INO80: variants seen among roughly 807,000 people sequenced by gnomAD.
INO80 encodes the protein chromatin-remodeling ATPase INO80.
Under a neutral mutation model 203.4 loss-of-function variants are expected in INO80, and 20 were observed. The ratio of observed to expected loss-of-function variants is 0.10; its 90% CI spans 0.07 to 0.14. INO80 has a LOEUF of 0.14. INO80 is among the 10% of genes least tolerant of loss of function. The probability of loss-of-function intolerance (pLI) is 1.00; values close to 1 mark genes in which losing one functional copy is unlikely to be tolerated. For missense variants in INO80, 1,419 were observed against 1,914.4 expected (o/e 0.74, Z 4.83); for synonymous variants, 726 against 685.2 (o/e 1.06, Z -0.93).
intron 24 of INO80, 63 bp downstream of exon 24, chr15:41,044,841 A>C: frequency 6.8e-7 from 1 of 1,467,042 alleles, no homozygotes; most frequent in Non-Finnish European, 9.1e-7. Context: ...TATTATTTTT[A>C]CTTATTCAAG....
At chr15:41,111,709 A>C (rs955629122) in intron 1 of INO80, among the ~76,000 whole-genome samples, 3 of 151,884 alleles carry the variant, frequency 2.0e-5, no homozygotes, top group Admixed American at 6.6e-5. Flanking sequence ...AGGCTGAGGC[A>C]GGAGAATCAC....
Position 41,016,299 on chromosome 15 carries a change from A to G in INO80, c.3275-84T>C. 4.5e-6 allele frequency: 6 copies of G among 1,327,586 alleles called. No homozygotes were observed. The South Asian group carries it at 5.4e-5, about 12-fold the overall frequency. 82.2% of individuals were successfully genotyped at this position (1,327,586 alleles called of 1,614,324 possible). A position where few individuals can be genotyped will look rare whatever the true frequency, so the allele number is the denominator to read the frequency against. On this transcript the variant is annotated intron_variant, in intron 26 of 35. Coordinates refer to ENST00000648947, the MANE Select transcript of INO80 (RefSeq NM_017553.3). ...TCAATGCAAAGCTGTATGCAACCAC[A>G]ATCACTAAAACCAAGATGCTTGTCA...
At chr15:41,044,484 G>C (rs1461505932) in intron 24 of INO80, among the ~76,000 whole-genome samples, 1 of 152,092 alleles carries the variant, frequency 6.6e-6, no homozygotes, top group Non-Finnish European at 1.5e-5. Flanking sequence ...TTCACAAACA[G>C]GCAAAAATAA....
chr15:41,074,620 T>C lies in INO80; in HGVS notation c.1132-55A>G, dbSNP rs117256306. 86 of 1,233,338 alleles carry C rather than the reference T, an allele frequency of 7.0e-5. 1 individual carries two copies. In the East Asian group the frequency reaches 8.8e-4, roughly 13 times the overall value. The allele number at this position is 1,233,338 out of a possible 1,614,324, so 76.4% of individuals were successfully genotyped here. A position where few individuals can be genotyped will look rare whatever the true frequency, so the allele number is the denominator to read the frequency against. Reference sequence around the variant, plus strand: ...CAAATTATCAATGATATCCAAGAAGTAGTCCAGAATTCACCACTTATATTT... The same window carrying C: ...CAAATTATCAATGATATCCAAGAAGCAGTCCAGAATTCACCACTTATATTT... On this transcript the variant is annotated intron_variant, in intron 9 of 35. Coordinates refer to ENST00000648947, the MANE Select transcript of INO80 (RefSeq NM_017553.3).
chr15:40,987,243 G>T, intron 30 of INO80, 50 bp from the exon 31 acceptor site: 1 of 1,098,272 alleles, frequency 9.1e-7, no homozygotes, highest in Non-Finnish European at 1.4e-6. Flanking sequence ...ATTCCCTTAT[G>T]GCAAATATCC....
chr15:41,037,593 G>T (rs2927066), intron 24 of INO80, among the ~76,000 whole-genome samples: 150,837 of 152,338 alleles, frequency 0.99, 74,697 homozygotes, highest in Middle Eastern at 1. Context: ...CAGAGAAATA[G>T]CTTTCTGTTA....
intron 5 of INO80, among the ~76,000 whole-genome samples, chr15:41,088,091 T>C (rs1028493201): frequency 1.4e-5 from 2 of 143,886 alleles, no homozygotes; most frequent in African/African-American, 2.6e-5. Context: ...GCTTTTCTTT[T>C]TTTTTTTTTT....
chr15:41,006,643 A>G (rs1566907875), intron 27 of INO80, among the ~76,000 whole-genome samples: 1 of 152,190 alleles, frequency 6.6e-6, no homozygotes, highest in Non-Finnish European at 1.5e-5. Flanking sequence ...AGTTTGGAAT[A>G]TCTGGTGCAG....
At chr15:41,112,268 T>C (rs2045968922) in intron 1 of INO80, among the ~76,000 whole-genome samples, 2 of 152,184 alleles carry the variant, frequency 1.3e-5, no homozygotes. Flanking sequence ...ATAGTGGTTC[T>C]GTCATTTACT....
At chr15:41,052,380 C>G (rs143139970) in intron 19 of INO80, among the ~76,000 whole-genome samples, 6 of 151,930 alleles carry the variant, frequency 3.9e-5, no homozygotes, top group Non-Finnish European at 8.8e-5. Context: ...TATACAATCC[C>G]TGATTTTTTA....
chr15:41,091,017 C>A (rs1251019350), intron 5 of INO80, among the ~76,000 whole-genome samples: 1 of 151,486 alleles, frequency 6.6e-6, no homozygotes, highest in Non-Finnish European at 1.5e-5. Context: ...CTCCACCTCC[C>A]GGGTTCAAGC....
At chr15:41,039,682 G>A (rs562383570) in intron 24 of INO80, among the ~76,000 whole-genome samples, 2 of 152,146 alleles carry the variant, frequency 1.3e-5, no homozygotes, top group African/African-American at 2.4e-5. Flanking sequence ...TCATTCAATC[G>A]ATAAGCACTT....
rs573138547 is a variant in INO80, at chr15:41,105,805, C to A, written c.-43-9452G>T. On this transcript the variant is annotated intron_variant, in intron 1 of 35. Transcript: ENST00000648947. ...TGGTTCCTTTGCTCCTTCGACATAA[C>A]CCATTAACGTGAAATGTTGTTGTTT... Among the ~76,000 whole-genome samples the A allele has an allele frequency of 3.9e-5, 6 of 152,276 alleles. No homozygotes were observed. In the South Asian group the frequency reaches 1.2e-3, roughly 32 times the overall value.
chr15:40,982,825 C>T, intron 35 of INO80, 37 bp downstream of exon 35: 1 of 1,539,336 alleles, frequency 6.5e-7, no homozygotes, highest in Non-Finnish European at 8.9e-7. Context: ...CTGTCTCTGA[C>T]CAGAACAAAG....
intron 22 of INO80, 117 bp from the exon 23 acceptor site, chr15:41,047,618 G>A: frequency 1.5e-6 from 1 of 678,744 alleles, no homozygotes; most frequent in Admixed American, 2.9e-5. Flanking sequence ...TAAAGGTTCT[G>A]ATCTAGCCAC....
At position 40,984,427 on chromosome 15, in the gene INO80, G is replaced by C. The variant is rs1893946338; in HGVS notation, c.3922-75C>G. The C allele has an allele frequency of 5.8e-6, 8 of 1,378,034 alleles. No individual in the cohort carries two copies. In the South Asian group the frequency reaches 8.9e-5, roughly 15 times the overall value. The allele number at this position is 1,378,034 out of a possible 1,614,324, so 85.4% of individuals were successfully genotyped here. A position where few individuals can be genotyped will look rare whatever the true frequency, so the allele number is the denominator to read the frequency against. ...AGAAAAGCGGGATTTGGGAAGAAAA[G>C]GATAACAGAACTTTTATTCTTTAGT... is the stretch of plus-strand genomic sequence containing the variant. On this transcript the variant is annotated intron_variant, in intron 32 of 35. Coordinates refer to ENST00000648947, the MANE Select transcript of INO80 (RefSeq NM_017553.3).
intron 10 of INO80, among the ~76,000 whole-genome samples, chr15:41,073,782 A>C (rs1237987326): frequency 6.6e-6 from 1 of 152,186 alleles, no homozygotes; most frequent in Non-Finnish European, 1.5e-5. Context: ...AAGCTACAAC[A>C]ATCAAGACAA....
rs1160226701 is a variant in INO80, at chr15:40,980,299, T to G, written c.4595A>C (p.His1532Pro). Reference sequence around the variant, plus strand: ...GTCTGGGGCTAGGCTGCTGGTCATGTGGAGGTTCTTGGGATTCCCAGGAAC... The same window carrying G: ...GTCTGGGGCTAGGCTGCTGGTCATGGGGAGGTTCTTGGGATTCCCAGGAAC... ...NNVPGNPKNL[H>P]MTSSLAPDSL... The change falls in exon 36 of 36, where the codon CAC becomes CCC. Residue 1532 changes from histidine (H) to proline (P), a missense_variant. Around this residue, in one of 9 missense-constraint regions of INO80, gnomAD observed 112 missense variants for 106.2 expected, o/e 1.05. Transcript: ENST00000648947. The G allele has an allele frequency of 2.5e-6, 4 of 1,613,746 alleles. No individual in the cohort carries two copies. In the African/African-American group the frequency reaches 5.3e-5, roughly 22 times the overall value.
chr15:41,069,877 C>T (rs1342850093), intron 13 of INO80, among the ~76,000 whole-genome samples: 1 of 152,150 alleles, frequency 6.6e-6, no homozygotes, highest in African/African-American at 2.4e-5. Flanking sequence ...AGCAACTATT[C>T]CCTCTTCTGA....
Sources: allele counts gnomAD v4.1 joint callset (sites outside exome capture counted in the v4.1 genomes callset), GRCh38; gene constraint gnomAD v4.1.1; regional missense constraint gnomAD v4.1.1; transcripts MANE v1.5; gene names NCBI Gene and HGNC (gene_info 2026-07-23, HGNC 2026-07-21).